PDE4D: variants seen among roughly 807,000 people sequenced by gnomAD.
The protein encoded by PDE4D is phosphodiesterase 4D.
In PDE4D, 24 loss-of-function variants were observed where a neutral mutation model predicts 87.4. The observed-to-expected ratio is 0.27, with a 90% confidence interval of 0.20 to 0.39. The LOEUF (loss-of-function observed/expected upper bound fraction) is 0.39, where lower values mean the gene tolerates loss of function less well. Among genes scored for constraint, PDE4D ranks in the 10% least tolerant of loss-of-function variants. The probability of loss-of-function intolerance (pLI) is 1.00; values close to 1 mark genes in which losing one functional copy is unlikely to be tolerated. For synonymous variants in PDE4D, 384 were observed against 383.2 expected, an observed-to-expected ratio of 1.00 and a Z score of -0.02; for missense variants, 714 against 1,041.0, an observed-to-expected ratio of 0.69 and a Z score of 4.32.
chr5:59,027,788 A>AT (rs1331417274), intron 6 of PDE4D, among the ~76,000 whole-genome samples: 6 of 151,378 alleles, frequency 4.0e-5, no homozygotes, highest in East Asian at 1.9e-4. Context: ...GAAATCAGCT[A>AT]TTTTTTTTCA....
At chr5:59,307,482 A>C (rs1771627558) in intron 1 of PDE4D, among the ~76,000 whole-genome samples, 1 of 152,234 alleles carries the variant, frequency 6.6e-6, no homozygotes. Context: ...GCTAACATCC[A>C]GAATCTACAA....
intron 1 of PDE4D, among the ~76,000 whole-genome samples, chr5:59,762,946 G>A (rs1382657252): frequency 7.6e-6 from 1 of 132,326 alleles, no homozygotes; most frequent in Non-Finnish European, 1.6e-5. Flanking sequence ...ATATATACAT[G>A]TACCATCTCT....
chr5:59,433,065 G>T (rs192900981), intron 1 of PDE4D, among the ~76,000 whole-genome samples: 6 of 152,198 alleles, frequency 3.9e-5, no homozygotes, highest in South Asian at 2.1e-4. Context: ...TTTGCATAAA[G>T]AGGCTCTTTG....
intron 1 of PDE4D, among the ~76,000 whole-genome samples, chr5:60,396,724 C>T (rs1390899643): frequency 6.6e-6 from 1 of 152,084 alleles, no homozygotes; most frequent in Admixed American, 6.5e-5. Flanking sequence ...GATTTTGCCC[C>T]CAGACAGAGA....
intron 1 of PDE4D, among the ~76,000 whole-genome samples, chr5:60,240,311 T>C (rs1480367025): frequency 1.3e-5 from 2 of 151,800 alleles, no homozygotes; most frequent in Non-Finnish European, 2.9e-5. Flanking sequence ...TAGGCAAAAA[T>C]CACACCTTCA....
At chr5:60,047,821 C>T (rs955883749) in intron 2 of PDE4D, among the ~76,000 whole-genome samples, 10 of 151,876 alleles carry the variant, frequency 6.6e-5, no homozygotes, top group Non-Finnish European at 1.3e-4. Flanking sequence ...TGGTGTGGTG[C>T]TGAAAAAAAT....
At chr5:60,036,692 T>C (rs1054636593) in intron 2 of PDE4D, among the ~76,000 whole-genome samples, 1 of 152,192 alleles carries the variant, frequency 6.6e-6, no homozygotes, top group Non-Finnish European at 1.5e-5. Context: ...GTTGTCCTCT[T>C]ACCAAAAAGC....
chr5:60,049,547 GT>G (rs1582380756), intron 2 of PDE4D, among the ~76,000 whole-genome samples: 1 of 152,150 alleles, frequency 6.6e-6, no homozygotes, highest in African/African-American at 2.4e-5. Flanking sequence ...GGTTTTTGGT[GT>G]GGATGTCCTT....
intron 1 of PDE4D, among the ~76,000 whole-genome samples, chr5:59,499,171 AAAAT>A (rs1807796574): frequency 6.6e-6 from 1 of 152,092 alleles, no homozygotes; most frequent in African/African-American, 2.4e-5. Flanking sequence ...GAATGACTCT[AAAAT>A]AAACAAAAAA....
chr5:59,249,179 A>C lies in PDE4D; in HGVS notation c.456-33211T>G, dbSNP rs150859460. On this transcript the variant is annotated intron_variant, in intron 1 of 14. Coordinates refer to ENST00000340635, the MANE Select transcript of PDE4D (RefSeq NM_001104631.2). ...AAGCGAAGAGACAAACAGAAAATTA[A>C]CAGAAGATAAATGGCTAATAAAAAT... Among the ~76,000 whole-genome samples, 6 of 152,296 alleles carry C rather than the reference A, an allele frequency of 3.9e-5. No homozygotes were observed. The East Asian group carries it at 1.2e-3, about 29-fold the overall frequency.
At chr5:59,741,371 G>A (rs139006958) in intron 1 of PDE4D, among the ~76,000 whole-genome samples, 176 of 151,966 alleles carry the variant, frequency 1.2e-3, no homozygotes, top group African/African-American at 4.1e-3. Context: ...AAAACCCTTC[G>A]TCCAGTCAAT....
intron 1 of PDE4D, among the ~76,000 whole-genome samples, chr5:59,867,172 A>G (rs1166443543): frequency 6.6e-6 from 1 of 152,164 alleles, no homozygotes; most frequent in African/African-American, 2.4e-5. Context: ...AGAGAAGGGT[A>G]TGAAGCCAGG....
At chr5:59,464,958 C>A (rs942335327) in intron 1 of PDE4D, among the ~76,000 whole-genome samples, 1 of 152,200 alleles carries the variant, frequency 6.6e-6, no homozygotes, top group Non-Finnish European at 1.5e-5. Flanking sequence ...CTAAAGCCAA[C>A]CTGGTTAGCA....
chr5:60,386,460 T>C lies in PDE4D; in HGVS notation c.-90+101482A>G, dbSNP rs533334005. Among the ~76,000 whole-genome samples the C allele has an allele frequency of 3.9e-5, 6 of 152,320 alleles. No homozygotes were observed. The East Asian group carries it at 1.2e-3, about 29-fold the overall frequency. ...GCCTGACAGTGAGCTGCCTTCACAT[T>C]GAACCCAATTAGATACTCCTAAAAG... On this transcript the variant is annotated intron_variant, in intron 1 of 16. Coordinates refer to the PDE4D transcript ENST00000502484.
At chr5:59,981,784 T>C (rs992507714) in intron 3 of PDE4D, among the ~76,000 whole-genome samples, 8 of 152,250 alleles carry the variant, frequency 5.3e-5, no homozygotes, top group Non-Finnish European at 7.3e-5. Flanking sequence ...TGCCCATTAA[T>C]ACCTTCTTAA....
intron 1 of PDE4D, among the ~76,000 whole-genome samples, chr5:59,668,112 G>T (rs1202371030): frequency 6.6e-6 from 1 of 152,184 alleles, no homozygotes; most frequent in Non-Finnish European, 1.5e-5. Context: ...TTGACTAACT[G>T]ATATTGAGGA....
chr5:60,005,657 C>CA (rs1489897317), intron 2 of PDE4D, among the ~76,000 whole-genome samples: 1 of 151,670 alleles, frequency 6.6e-6, no homozygotes, highest in African/African-American at 2.4e-5. Flanking sequence ...GCTGGGGAAA[C>CA]AAAAAACAAA....
intron 1 of PDE4D, among the ~76,000 whole-genome samples, chr5:60,470,848 C>A (rs560651322): frequency 2.0e-5 from 3 of 152,126 alleles, no homozygotes; most frequent in African/African-American, 4.8e-5. Context: ...CTCAAGAGAT[C>A]TGATGAAGAA....
At position 59,107,645 on chromosome 5, in the gene PDE4D, C is replaced by G. The variant is rs118034554; in HGVS notation, c.809-68674G>C. ...GAGGCATTTCATATAAAGGAACTCC[C>G]AAAAGCAAAACATTATAGAGGGTAA... On this transcript the variant is annotated intron_variant, in intron 5 of 14. Transcript: ENST00000340635. Among the ~76,000 whole-genome samples, 33 of 152,242 alleles carry G rather than the reference C, an allele frequency of 2.2e-4. 2 individuals are homozygous for G. In the East Asian group the frequency reaches 6.4e-3, roughly 29 times the overall value.
Sources: allele counts gnomAD v4.1 joint callset (sites outside exome capture counted in the v4.1 genomes callset), GRCh38; gene constraint gnomAD v4.1.1; transcripts MANE v1.5; gene names NCBI Gene and HGNC (gene_info 2026-07-23, HGNC 2026-07-21).